Variants in SDK2 observed in about 807,000 individuals in gnomAD.
SDK2 encodes sidekick cell adhesion molecule 2.
Under a neutral mutation model 253.9 loss-of-function variants are expected in SDK2, and 105 were observed. The observed-to-expected ratio is 0.41, with a 90% CI of 0.35 to 0.49. The LOEUF is 0.49. Among genes scored for constraint, SDK2 ranks in the 20% least tolerant of loss-of-function variants. SDK2 has a pLI of 0.06. For synonymous variants in SDK2, 1,249 were observed against 1,234.9 expected (o/e 1.01, Z -0.24); for missense variants, 2,608 against 3,003.0 (o/e 0.87, Z 3.07).
intron 1 of SDK2, among the ~76,000 whole-genome samples, chr17:73,638,025 G>A (rs1376498407): frequency 6.6e-6 from 1 of 152,244 alleles, no homozygotes; most frequent in Non-Finnish European, 1.5e-5. Context: ...AGCTGCTGGA[G>A]GGCGGGGCCC....
In SDK2 at chr17:73,447,889, C is replaced by T; in HGVS notation, c.480-141G>A. 1.1e-6 allele frequency: 1 copy of T among 916,036 alleles called. No homozygotes were observed. Among genetic ancestry groups the T allele is most frequent in the Non-Finnish European group, 1.7e-6 (1 of 603,208 alleles). 56.7% of individuals were successfully genotyped at this position (916,036 alleles called of 1,614,324 possible). On this transcript the variant is annotated intron_variant, in intron 4 of 44. Transcript: ENST00000392650. The surrounding 1 kb of genome is among the most constrained non-coding windows in gnomAD (Gnocchi z 4.0). Reference sequence around the variant, plus strand: ...CCAGGGCCCCTCCTGCCACCCCCTCCCCAACCTCTTACTGCCTACATCCCG... The same window carrying T: ...CCAGGGCCCCTCCTGCCACCCCCTCTCCAACCTCTTACTGCCTACATCCCG...
At chr17:73,484,059 C>T (rs1440366247) in intron 2 of SDK2, among the ~76,000 whole-genome samples, 5 of 152,170 alleles carry the variant, frequency 3.3e-5, no homozygotes, top group South Asian at 2.1e-4. Flanking sequence ...CCTCTCACCT[C>T]GATTACAATT....
chr17:73,533,602 C>T (rs1039918900), intron 1 of SDK2, among the ~76,000 whole-genome samples: 2 of 152,228 alleles, frequency 1.3e-5, no homozygotes, highest in Non-Finnish European at 1.5e-5. Context: ...GGTTCCAAAA[C>T]GCTCTGTGCT....
At chr17:73,436,466 A>G (rs753356166) in intron 8 of SDK2, among the ~76,000 whole-genome samples, 3 of 150,370 alleles carry the variant, frequency 2.0e-5, no homozygotes, top group Non-Finnish European at 3.0e-5. Context: ...AATCCCAGCT[A>G]CTTGGGAGGC....
chr17:73,390,306 CA>C lies in SDK2; in HGVS notation c.4172del (p.Val1391GlyfsTer2). On this transcript the variant is annotated frameshift_variant, in exon 29 of 45. Transcript: ENST00000392650. LOFTEE classifies it high-confidence loss of function. Reference sequence around the variant, plus strand: ...AGTCACCTCTCTTCTCGGTGGTCACCACCAAGGCCTCGGCAGCTTCTCCCCA... The same window carrying C: ...AGTCACCTCTCTTCTCGGTGGTCACCCCAAGGCCTCGGCAGCTTCTCCCCA... ...KGWGEAAEAL[V>X]VTTEKRDRPQ... 1 of 1,589,372 alleles carries C rather than the reference CA, an allele frequency of 6.3e-7. No homozygotes were observed. Among genetic ancestry groups the C allele is most frequent in the Non-Finnish European group, 8.5e-7 (1 of 1,171,358 alleles).
At chr17:73,533,182 C>T (rs1599655248) in intron 1 of SDK2, among the ~76,000 whole-genome samples, 3 of 152,170 alleles carry the variant, frequency 2.0e-5, no homozygotes, top group Admixed American at 1.3e-4. Context: ...GTATCCCCTT[C>T]GGCTGGTATG....
At chr17:73,340,081 AGGTTG>A (rs756950625) in intron 44 of SDK2, among the ~76,000 whole-genome samples, 32 of 152,122 alleles carry the variant, frequency 2.1e-4, no homozygotes, top group Admixed American at 4.6e-4. Context: ...CATGTTGGCC[AGGTTG>A]GTCTTGAACT....
chr17:73,527,490 A>AG (rs1189605243), intron 1 of SDK2, among the ~76,000 whole-genome samples: 1 of 152,082 alleles, frequency 6.6e-6, no homozygotes, highest in Non-Finnish European at 1.5e-5. Flanking sequence ...TCAGAACTGG[A>AG]GGGGGACTCC....
intron 1 of SDK2, among the ~76,000 whole-genome samples, chr17:73,515,656 AGCCTTAGGGGCTTCTTGG>A: frequency 6.6e-6 from 1 of 152,332 alleles, no homozygotes; most frequent in African/African-American, 2.4e-5. Flanking sequence ...CAGAGGCCAG[AGCCTTAGGGGCTTCTTGG>A]GAAGAAGGGG....
intron 1 of SDK2, among the ~76,000 whole-genome samples, chr17:73,547,512 C>G (rs1053089494): frequency 6.6e-6 from 1 of 152,182 alleles, no homozygotes; most frequent in Non-Finnish European, 1.5e-5. Context: ...AGGAAGCCAC[C>G]GAAGGGTACA....
In SDK2 at chr17:73,448,551, G is replaced by A. The variant is rs1004961056; in HGVS notation, c.480-803C>T. Among the ~76,000 whole-genome samples the A allele has an allele frequency of 3.9e-5, 6 of 151,944 alleles. No homozygotes were observed. The East Asian group carries it at 5.8e-4, about 15-fold the overall frequency. On this transcript the variant is annotated intron_variant, in intron 4 of 44. Transcript: ENST00000392650. ...GGCTAATTTTTTGTATTTTTAGTAGGGACAGGGTTTCACTTTGTTAGCCAG... is the reference window on the plus strand; with the variant it reads ...GGCTAATTTTTTGTATTTTTAGTAGAGACAGGGTTTCACTTTGTTAGCCAG...
At position 73,612,332 on chromosome 17, in the gene SDK2, G is replaced by A. The variant is rs1163446792; in HGVS notation, c.64+31693C>T. Among the ~76,000 whole-genome samples, 1 of 151,256 alleles carries A rather than the reference G, an allele frequency of 6.6e-6. No individual in the cohort carries two copies. Among genetic ancestry groups the A allele is most frequent in the African/African-American group, 2.4e-5 (1 of 41,062 alleles). ...GGTCCCCTACCCTCATCGGGTCACT[G>A]TGACCCAGCTGCACCTGGGCTGCAG... On this transcript the variant is annotated intron_variant, in intron 1 of 44. Coordinates refer to ENST00000392650, the MANE Select transcript of SDK2 (RefSeq NM_001144952.2). This position sits in a 1 kb window ranked among gnomAD's most constrained non-coding sequence, Gnocchi z 4.4.
At chr17:73,348,538 C>T (rs1004724156) in intron 44 of SDK2, 61 bp downstream of exon 44, 12 of 1,579,766 alleles carry the variant, frequency 7.6e-6, no homozygotes, top group South Asian at 2.3e-5. Flanking sequence ...ACGTTCACTG[C>T]CCCACTCTGG....
intron 36 of SDK2, among the ~76,000 whole-genome samples, chr17:73,375,087 G>A (rs2062766436): frequency 6.6e-6 from 1 of 151,958 alleles, no homozygotes; most frequent in African/African-American, 2.4e-5. Flanking sequence ...GACACACAAG[G>A]CTCTCCGTAT....
In SDK2 at chr17:73,643,159, C is replaced by A. The variant is rs1418693742; in HGVS notation, c.64+866G>T. The A allele has an allele frequency of 6.6e-6, 1 of 152,398 alleles. No individual in the cohort carries two copies. The highest frequency in any genetic ancestry group is 2.4e-5 in the African/African-American group (1 of 41,474). The allele number at this position is 152,398 out of a possible 1,614,324, so 9.4% of individuals were successfully genotyped here. ...CCCGGGGACCAGGGGGACGTCTGGG[C>A]ATCCACCCTCAGGAAGCGGGCAGCG... On this transcript the variant is annotated intron_variant, in intron 1 of 44. Coordinates refer to ENST00000392650, the MANE Select transcript of SDK2 (RefSeq NM_001144952.2). This position sits in a 1 kb window ranked among gnomAD's most constrained non-coding sequence, Gnocchi z 6.9.
At chr17:73,577,113 C>T (rs2045468207) in intron 1 of SDK2, among the ~76,000 whole-genome samples, 2 of 152,130 alleles carry the variant, frequency 1.3e-5, no homozygotes, top group Non-Finnish European at 2.9e-5. Flanking sequence ...AGGTGTAGAC[C>T]CCAAAGAGCC....
intron 21 of SDK2, 27 bp from the exon 22 acceptor site, chr17:73,399,316 G>T (rs756599650): frequency 6.2e-7 from 1 of 1,613,252 alleles, no homozygotes; most frequent in Non-Finnish European, 8.5e-7. Context: ...GGGTGGGGAA[G>T]GAGATCCGGT....
intron 2 of SDK2, among the ~76,000 whole-genome samples, chr17:73,476,494 T>C (rs2063686847): frequency 2.0e-5 from 3 of 152,252 alleles, no homozygotes; most frequent in South Asian, 4.1e-4. Flanking sequence ...AAGATGCACA[T>C]TGTGCACATA....
intron 1 of SDK2, among the ~76,000 whole-genome samples, chr17:73,604,097 C>T (rs527976375): frequency 3.1e-4 from 47 of 152,368 alleles, no homozygotes; most frequent in African/African-American, 8.7e-4. Flanking sequence ...GCAGCGCCAG[C>T]GTCAGCCTTC....
Sources: gnomAD v4.1 joint callset for allele counts (sites outside exome capture counted in the v4.1 genomes callset) on GRCh38, gnomAD v4.1.1 for gene constraint, Gnocchi (gnomAD v3.1) non-coding constraint, MANE v1.5 for transcripts, NCBI Gene and HGNC (gene_info 2026-07-23, HGNC 2026-07-21) for gene names.